TMPRSS11F: variants seen among roughly 807,000 people sequenced by gnomAD.
TMPRSS11F encodes transmembrane serine protease 11F.
Under a neutral mutation model 60.2 loss-of-function variants are expected in TMPRSS11F, and 47 were observed. That is an observed-to-expected ratio of 0.78 (90% CI 0.62 to 1.00). The LOEUF is 1.00. Ranked by LOEUF, TMPRSS11F falls within the 50% of genes least tolerant of loss-of-function variation. The pLI is 0.00. For synonymous variants in TMPRSS11F, 166 were observed against 167.3 expected (o/e 0.99, Z 0.06); for missense variants, 519 against 522.9 (o/e 0.99, Z 0.07).
chr4:68,090,487 A>C (rs757055295), intron 3 of TMPRSS11F, 36 bp downstream of exon 3: 1 of 1,549,416 alleles, frequency 6.5e-7, no homozygotes, highest in Non-Finnish European at 8.7e-7. Context: ...TGCAAAAGAC[A>C]CATTAATAAA....
chr4:68,059,346 C>T lies in TMPRSS11F; in HGVS notation c.1138G>A (p.Gly380Arg), dbSNP rs1458368732. 1 of 1,613,384 alleles carries T rather than the reference C, an allele frequency of 6.2e-7. No homozygotes were observed. Among genetic ancestry groups the T allele is most frequent in the Non-Finnish European group, 8.5e-7 (1 of 1,179,788 alleles). Residue 380 changes from glycine (G) to arginine (R), a missense_variant, in exon 9 of 10, where the codon GGA becomes AGA. Gly to Arg is a moderately radical substitution (Grantham distance 125). Transcript: ENST00000356291. ...CTTACCTTACATGCATCTATTTTTC[C>T]TTCCATGAATCCAGCACATAACATT... ...PGMLCAGFME[G>R]KIDACKGDSG...
intron 8 of TMPRSS11F, among the ~76,000 whole-genome samples, chr4:68,060,557 GT>G (rs1272532238): frequency 2.6e-3 from 41 of 15,634 alleles, no homozygotes; most frequent in African/African-American, 3.8e-3. Context: ...ATTAACACTA[GT>G]TTTTTTTTCA....
chr4:68,063,716 G>T (rs1723256674), intron 8 of TMPRSS11F, among the ~76,000 whole-genome samples: 1 of 151,982 alleles, frequency 6.6e-6, no homozygotes, highest in Non-Finnish European at 1.5e-5. Flanking sequence ...CTAGTACCTA[G>T]AAATCTTAAG....
intron 3 of TMPRSS11F, among the ~76,000 whole-genome samples, chr4:68,088,878 C>T (rs1425622307): frequency 1.3e-5 from 2 of 152,018 alleles, no homozygotes; most frequent in South Asian, 2.1e-4. Context: ...AGGAGAACTA[C>T]GAAACACTGC....
chr4:68,063,624 C>T (rs1723253253), intron 8 of TMPRSS11F, among the ~76,000 whole-genome samples: 1 of 152,070 alleles, frequency 6.6e-6, no homozygotes, highest in Non-Finnish European at 1.5e-5. Flanking sequence ...CATGATCCGC[C>T]CGACTCGGCC....
intron 7 of TMPRSS11F, among the ~76,000 whole-genome samples, chr4:68,067,852 G>A (rs1039336285): frequency 6.6e-6 from 1 of 152,094 alleles, no homozygotes; most frequent in African/African-American, 2.4e-5. Flanking sequence ...CCAGGCAAAG[G>A]GTCTTTATTT....
intron 3 of TMPRSS11F, among the ~76,000 whole-genome samples, chr4:68,084,906 C>A (rs1412114447): frequency 7.5e-6 from 1 of 132,834 alleles, no homozygotes; most frequent in East Asian, 2.3e-4. Context: ...CACCACAGTC[C>A]CCAGAGTGTG....
chr4:68,090,323 T>C (rs1472772281), intron 3 of TMPRSS11F, among the ~76,000 whole-genome samples, 200 bp downstream of exon 3: 1 of 152,128 alleles, frequency 6.6e-6, no homozygotes, highest in Non-Finnish European at 1.5e-5. Context: ...TAATCTACTA[T>C]ATACATTTGA....
At chr4:68,127,076 A>G (rs1577940698) in intron 1 of TMPRSS11F, among the ~76,000 whole-genome samples, 1 of 152,170 alleles carries the variant, frequency 6.6e-6, no homozygotes, top group East Asian at 1.9e-4. Context: ...GCTTAAATCA[A>G]CTTTTATTAT....
chr4:68,076,968 G>T (rs1242517973), intron 3 of TMPRSS11F, among the ~76,000 whole-genome samples: 2 of 152,126 alleles, frequency 1.3e-5, no homozygotes, highest in African/African-American at 4.8e-5. Flanking sequence ...AGTAAAGTGG[G>T]AACACCAAGC....
intron 1 of TMPRSS11F, among the ~76,000 whole-genome samples, chr4:68,120,232 T>A (rs929158232): frequency 6.6e-6 from 1 of 152,106 alleles, no homozygotes; most frequent in Non-Finnish European, 1.5e-5. Context: ...TCAACACTGT[T>A]GATATGAAAA....
chr4:68,097,848 G>C (rs1248858183), intron 2 of TMPRSS11F, among the ~76,000 whole-genome samples: 3 of 152,084 alleles, frequency 2.0e-5, no homozygotes, highest in Non-Finnish European at 4.4e-5. Flanking sequence ...TTTTATGAGA[G>C]TCTAAGGAAT....
chr4:68,057,712 C>G (rs949173631), intron 9 of TMPRSS11F, among the ~76,000 whole-genome samples: 1 of 152,026 alleles, frequency 6.6e-6, no homozygotes. Context: ...GACTTAGATA[C>G]CTCTCAAAAG....
At chr4:68,062,505 T>A (rs776919702) in intron 8 of TMPRSS11F, 2 of 714,870 alleles carry the variant, frequency 2.8e-6, no homozygotes, top group Non-Finnish European at 5.3e-6. Context: ...TAATTAGAAA[T>A]ATGCTGCATT....
rs187205573 is a variant in TMPRSS11F at position 68,112,592 on chromosome 4, T to C, written c.12-13554A>G. Among the ~76,000 whole-genome samples the C allele has an allele frequency of 6.6e-3, 1,010 of 152,278 alleles. 3 individuals are homozygous for C. Among genetic ancestry groups the C allele is most frequent in the Middle Eastern group, 0.031 (9 of 294 alleles). ...GACTCCTGCCTCTAAAAAATACTAC[T>C]AATAATATATCAATAAATAATCAAA... is the stretch of plus-strand genomic sequence containing the variant. On this transcript the variant is annotated intron_variant, in intron 1 of 9. Coordinates refer to ENST00000356291, the MANE Select transcript of TMPRSS11F (RefSeq NM_207407.2).
At chr4:68,076,724 A>G (rs1225310748) in intron 3 of TMPRSS11F, among the ~76,000 whole-genome samples, 1 of 152,234 alleles carries the variant, frequency 6.6e-6, no homozygotes, top group South Asian at 2.1e-4. Context: ...AGGTTTTCCC[A>G]TAACCAATGG....
At chr4:68,078,581 A>T (rs1318273116) in intron 3 of TMPRSS11F, among the ~76,000 whole-genome samples, 1 of 152,256 alleles carries the variant, frequency 6.6e-6, no homozygotes, top group Admixed American at 6.5e-5. Context: ...GCCATGTTTG[A>T]CAAATAAATG....
intron 1 of TMPRSS11F, among the ~76,000 whole-genome samples, chr4:68,105,828 A>G (rs558209761): frequency 6.6e-6 from 1 of 152,314 alleles, no homozygotes; most frequent in African/African-American, 2.4e-5. Context: ...GTCTAGAAGC[A>G]TAAACATAAA....
chr4:68,129,368 A>G (rs1724775743), intron 1 of TMPRSS11F, among the ~76,000 whole-genome samples: 1 of 152,138 alleles, frequency 6.6e-6, no homozygotes. Flanking sequence ...TATTAGAGTT[A>G]AATAAAAATT....
Sources: gnomAD v4.1 joint callset for allele counts (sites outside exome capture counted in the v4.1 genomes callset) on GRCh38, gnomAD v4.1.1 for gene constraint, MANE v1.5 for transcripts, NCBI Gene and HGNC (gene_info 2026-07-23, HGNC 2026-07-21) for gene names.